The following TAMM41 variants were observed in gnomAD, a reference collection of about 807,000 sequenced individuals.
The protein encoded by TAMM41 is phosphatidate cytidylyltransferase, mitochondrial.
In TAMM41, 36 loss-of-function variants were observed where a neutral mutation model predicts 44.1. That is an observed-to-expected ratio of 0.82 (90% CI 0.63 to 1.08). The LOEUF is 1.08. Among genes scored for constraint, TAMM41 ranks in the 50% least tolerant of loss-of-function variants. The pLI, the probability that TAMM41 is intolerant of heterozygous loss-of-function variation, is 0.00. For synonymous variants in TAMM41, 164 were observed against 153.1 expected (o/e 1.07, Z -0.53); for missense variants, 417 against 404.3 (o/e 1.03, Z -0.27).
At chr3:11,725,457 T>TC in the TAMM41 span, among the ~76,000 whole-genome samples, 1 of 103,788 alleles carries the variant, frequency 9.6e-6, no homozygotes, top group African/African-American at 3.9e-5. Context: ...TCCTCCTCCT[T>TC]CTTCTTCTTC....
chr3:11,777,886 A>T, the TAMM41 span, among the ~76,000 whole-genome samples: 2 of 152,104 alleles, frequency 1.3e-5, no homozygotes, highest in African/African-American at 4.8e-5. Context: ...CCTAAAAAGA[A>T]AACTTCCCAA....
the TAMM41 span, among the ~76,000 whole-genome samples, chr3:11,730,296 C>T: frequency 2.6e-5 from 4 of 151,708 alleles, no homozygotes; most frequent in African/African-American, 9.7e-5. Context: ...TGGCACACAC[C>T]TGTATTCCCA....
At chr3:11,838,538 T>A (rs1236357725) in intron 3 of TAMM41, among the ~76,000 whole-genome samples, 1 of 152,144 alleles carries the variant, frequency 6.6e-6, no homozygotes, top group Non-Finnish European at 1.5e-5. Flanking sequence ...TTTTCTTGCA[T>A]GTACTTGGTT....
the TAMM41 span, among the ~76,000 whole-genome samples, chr3:11,745,968 T>C: frequency 5.3e-5 from 8 of 152,100 alleles, no homozygotes; most frequent in African/African-American, 1.9e-4. Context: ...TCTGAAGAAA[T>C]TGGAACTCTC....
At chr3:11,742,724 C>T in the TAMM41 span, among the ~76,000 whole-genome samples, 1 of 143,218 alleles carries the variant, frequency 7.0e-6, no homozygotes, top group African/African-American at 3.0e-5. Context: ...ATAGCGGGGA[C>T]TACAGGTGTG....
chr3:11,833,861 T>C (rs1055611346), intron 3 of TAMM41, among the ~76,000 whole-genome samples: 2 of 152,212 alleles, frequency 1.3e-5, no homozygotes, highest in African/African-American at 4.8e-5. Context: ...TGGTGATAGT[T>C]GAACTCTGAA....
At chr3:11,772,934 T>C in the TAMM41 span, among the ~76,000 whole-genome samples, 32 of 152,088 alleles carry the variant, frequency 2.1e-4, no homozygotes, top group African/African-American at 7.0e-4. Flanking sequence ...CACGGTATAC[T>C]CTTGATTCAA....
intron 3 of TAMM41, among the ~76,000 whole-genome samples, chr3:11,831,407 T>C (rs2078977539): frequency 6.6e-6 from 1 of 152,198 alleles, no homozygotes; most frequent in Non-Finnish European, 1.5e-5. Context: ...ACCATGATCT[T>C]TTAAAAACAT....
chr3:11,740,530 T>C, the TAMM41 span, among the ~76,000 whole-genome samples: 1 of 152,194 alleles, frequency 6.6e-6, no homozygotes, highest in Non-Finnish European at 1.5e-5. Flanking sequence ...TGTGCATGTG[T>C]GTGTCCTAGT....
chr3:11,839,336 AC>A, intron 2 of TAMM41, 22 bp from the exon 3 acceptor site: 1 of 1,485,532 alleles, frequency 6.7e-7, no homozygotes, highest in Non-Finnish European at 9.4e-7. Flanking sequence ...AAGAAATGGC[AC>A]AAAACGGAGT....
chr3:11,725,271 C>A, the TAMM41 span, among the ~76,000 whole-genome samples: 1 of 145,430 alleles, frequency 6.9e-6, no homozygotes, highest in Non-Finnish European at 1.5e-5. Context: ...TTTTCTTCCT[C>A]CCTCTTCTCC....
At chr3:11,734,254 T>C in the TAMM41 span, among the ~76,000 whole-genome samples, 2 of 152,088 alleles carry the variant, frequency 1.3e-5, no homozygotes, top group Non-Finnish European at 2.9e-5. Context: ...AGATGAAAGG[T>C]GATCCTTAAC....
chr3:11,726,886 TA>T, the TAMM41 span, among the ~76,000 whole-genome samples: 1 of 151,788 alleles, frequency 6.6e-6, no homozygotes, highest in Non-Finnish European at 1.5e-5. Context: ...GGAGGAGCGC[TA>T]AAAATCCCAT....
At chr3:11,736,279 T>A in the TAMM41 span, among the ~76,000 whole-genome samples, 1 of 152,148 alleles carries the variant, frequency 6.6e-6, no homozygotes, top group Non-Finnish European at 1.5e-5. Flanking sequence ...AAGGAAGCAT[T>A]TTTAGCAAGT....
the TAMM41 span, among the ~76,000 whole-genome samples, chr3:11,735,509 C>CTATA: frequency 2.0e-5 from 3 of 152,208 alleles, no homozygotes; most frequent in South Asian, 6.2e-4. Flanking sequence ...TGGCGGGCAC[C>CTATA]TATAGTCCCA....
chr3:11,819,384 A>T (rs151237867), intron 4 of TAMM41, among the ~76,000 whole-genome samples: 1 of 152,376 alleles, frequency 6.6e-6, no homozygotes, highest in East Asian at 1.9e-4. Context: ...AAAGACAGTG[A>T]TTAAGAAACT....
the TAMM41 span, among the ~76,000 whole-genome samples, chr3:11,743,025 C>A: frequency 4.6e-5 from 7 of 152,250 alleles, no homozygotes; most frequent in East Asian, 3.9e-4. Context: ...GTAGGCCCCC[C>A]CAACCAGACA....
intron 5 of TAMM41, among the ~76,000 whole-genome samples, chr3:11,813,922 ATATATGTGTGTATATATGTG>A (rs1369989777): frequency 1.0e-4 from 15 of 149,218 alleles, no homozygotes; most frequent in African/African-American, 3.5e-4. Flanking sequence ...GTATATATGT[ATATATGTGTGTATATATGTG>A]TATATATATG....
At chr3:11,778,652 A>G in the TAMM41 span, among the ~76,000 whole-genome samples, 46 of 152,078 alleles carry the variant, frequency 3.0e-4, 1 homozygote, top group Admixed American at 2.6e-3. Context: ...TGGAAAAAAC[A>G]TCGGAAAATG....
Sources: allele counts gnomAD v4.1 joint callset (sites outside exome capture counted in the v4.1 genomes callset), GRCh38; gene constraint gnomAD v4.1.1; transcripts MANE v1.5; gene names NCBI Gene and HGNC (gene_info 2026-07-23, HGNC 2026-07-21).